The following SLC25A36 variants were observed in gnomAD, a reference collection of about 807,000 sequenced individuals.
The protein encoded by SLC25A36 is solute carrier family 25 member 36, also known as epididymis secretory sperm binding protein.
A neutral mutation model predicts 35.3 loss-of-function variants in SLC25A36; 24 were observed. That is an observed-to-expected ratio of 0.68 (90% CI 0.49 to 0.96). The LOEUF (loss-of-function observed/expected upper bound fraction) is 0.96, where lower values mean the gene tolerates loss of function less well. SLC25A36 is among the 40% of genes least tolerant of loss of function. The pLI is 0.00. For synonymous variants in SLC25A36, 141 were observed against 132.2 expected (o/e 1.07, Z -0.46); for missense variants, 294 against 381.1 (o/e 0.77, Z 1.90).
intron 1 of SLC25A36, among the ~76,000 whole-genome samples, chr3:140,947,070 C>T (rs57151068): frequency 0.075 from 11,373 of 152,120 alleles, 535 homozygotes; most frequent in East Asian, 0.17. Context: ...CAAAAAAATA[C>T]GGTATCCTGA....
At chr3:140,955,727 C>G (rs985445416) in intron 1 of SLC25A36, among the ~76,000 whole-genome samples, 15 of 152,106 alleles carry the variant, frequency 9.9e-5, no homozygotes, top group African/African-American at 3.4e-4. Context: ...GGGTCTCACT[C>G]TGTTGCCCAG....
In SLC25A36 at chr3:140,941,895, G is replaced by T. The variant is rs937039306; in HGVS notation, c.-160G>T. ...GGTGGCGCGGCTGGAGTGCCGCGGG[G>T]AGGGCTGTGCCGGTTGCTTTCTGCA... On this transcript the variant is annotated 5_prime_UTR_variant, in exon 1 of 7. Transcript: ENST00000324194. The T allele has an allele frequency of 4.4e-5, 23 of 519,744 alleles. No homozygotes were observed. The highest frequency in any genetic ancestry group is 2.9e-4 in the South Asian group (11 of 37,388). The allele number at this position is 519,744 out of a possible 1,614,324, so 32.2% of individuals were successfully genotyped here. A position where few individuals can be genotyped will look rare whatever the true frequency, so the allele number is the denominator to read the frequency against.
chr3:140,955,124 TTTATC>T (rs1471607100), intron 1 of SLC25A36, among the ~76,000 whole-genome samples: 4 of 152,114 alleles, frequency 2.6e-5, no homozygotes, highest in Non-Finnish European at 2.9e-5. Context: ...ACAGTTTGGT[TTTATC>T]TTATTTTCTT....
intron 4 of SLC25A36, chr3:140,968,152 T>C (rs1159094901): frequency 2.1e-5 from 20 of 949,260 alleles, no homozygotes; most frequent in Non-Finnish European, 2.3e-5. Flanking sequence ...ATTTCTTAGA[T>C]TATTAGATTA....
At chr3:140,956,002 T>A (rs1398432546) in intron 1 of SLC25A36, among the ~76,000 whole-genome samples, 1 of 152,204 alleles carries the variant, frequency 6.6e-6, no homozygotes, top group Non-Finnish European at 1.5e-5. Flanking sequence ...AAATGCTGTA[T>A]TTTTTTGTAG....
intron 1 of SLC25A36, 84 bp downstream of exon 1, chr3:140,942,179 G>A: frequency 7.8e-6 from 1 of 127,478 alleles, no homozygotes; most frequent in Non-Finnish European, 1.6e-5. Flanking sequence ...GGGGCCGAGG[G>A]GGGTGGGGGG....
At chr3:140,967,390 A>G (rs924681548) in intron 4 of SLC25A36, among the ~76,000 whole-genome samples, 3 of 151,962 alleles carry the variant, frequency 2.0e-5, no homozygotes, top group Non-Finnish European at 4.4e-5. Flanking sequence ...GCCTAATACA[A>G]TGCTTTCCAT....
At chr3:140,972,966 G>A (rs879360743) in intron 5 of SLC25A36, 2 of 152,180 alleles carry the variant, frequency 1.3e-5, no homozygotes, top group Non-Finnish European at 2.9e-5. Flanking sequence ...GGGAATCAGT[G>A]TAAGGTAACA....
intron 1 of SLC25A36, among the ~76,000 whole-genome samples, chr3:140,956,314 A>G (rs563373830): frequency 1.3e-5 from 2 of 152,296 alleles, no homozygotes; most frequent in East Asian, 3.9e-4. Context: ...CCAGATAGTT[A>G]CTAAGCTGTG....
chr3:140,946,992 A>G (rs1163832958), intron 1 of SLC25A36, among the ~76,000 whole-genome samples: 2 of 152,204 alleles, frequency 1.3e-5, no homozygotes, highest in Admixed American at 6.5e-5. Flanking sequence ...GGGGACTTCA[A>G]TAAAAGAGAT....
At chr3:140,943,890 C>T (rs1465462683) in intron 1 of SLC25A36, among the ~76,000 whole-genome samples, 1 of 152,122 alleles carries the variant, frequency 6.6e-6, no homozygotes. Context: ...TATAGGTTTT[C>T]TGGTTTAAGA....
chr3:140,956,091 G>A (rs1480685485), intron 1 of SLC25A36, among the ~76,000 whole-genome samples: 4 of 152,126 alleles, frequency 2.6e-5, no homozygotes, highest in Non-Finnish European at 5.9e-5. Context: ...CTTCCTTATT[G>A]TTCAGAAGAC....
chr3:140,960,424 A>G (rs999368214), intron 3 of SLC25A36, among the ~76,000 whole-genome samples: 8 of 152,194 alleles, frequency 5.3e-5, no homozygotes, highest in African/African-American at 1.9e-4. Context: ...TGTGCGCTCC[A>G]CCTGAAGTTA....
chr3:140,965,050 C>G (rs1934725677), intron 4 of SLC25A36: 1 of 151,864 alleles, frequency 6.6e-6, no homozygotes, highest in Non-Finnish European at 1.5e-5. Context: ...GGTTATTGCA[C>G]TGTACACTTA....
intron 1 of SLC25A36, among the ~76,000 whole-genome samples, chr3:140,954,997 C>T (rs1050456030): frequency 6.6e-6 from 1 of 151,878 alleles, no homozygotes; most frequent in Non-Finnish European, 1.5e-5. Flanking sequence ...GGTCTGTGAT[C>T]CATTTCGAGT....
At position 140,973,721 on chromosome 3, in the gene SLC25A36, G is replaced by A. The variant is rs563118041; in HGVS notation, c.458G>A (p.Arg153His). 16 of 1,458,226 alleles carry A rather than the reference G, an allele frequency of 1.1e-5. No homozygotes were observed. Among genetic ancestry groups the A allele is most frequent in the Admixed American group, 1.1e-4 (5 of 46,744 alleles). 90.3% of individuals were successfully genotyped at this position (1,458,226 alleles called of 1,614,324 possible). A position where few individuals can be genotyped will look rare whatever the true frequency, so the allele number is the denominator to read the frequency against. ...KTRLQLDARN[R>H]GERRMGAFEC... is the part of the protein sequence containing the mutation. ...TGTTTCTTTTTGCTTTTCAGGAACCGCGGGGAAAGGCGAATGGGTGCTTTT... is the reference window on the plus strand; with the variant it reads ...TGTTTCTTTTTGCTTTTCAGGAACCACGGGGAAAGGCGAATGGGTGCTTTT... Residue 153 changes from arginine (R) to histidine (H), a missense_variant, in exon 6 of 7, where the codon CGC becomes CAC. Coordinates refer to ENST00000324194, the MANE Select transcript of SLC25A36 (RefSeq NM_001104647.3).
chr3:140,949,227 C>T lies in SLC25A36; in HGVS notation c.41+7132C>T, dbSNP rs1934251312. ...CCTGGCATGCTAGAATTTTTATCTT[C>T]ATTATATGCACTAAGTAGAAGCAAC... On this transcript the variant is annotated intron_variant, in intron 1 of 6. Transcript: ENST00000324194. Among the ~76,000 whole-genome samples, 3 of 152,128 alleles carry T rather than the reference C, an allele frequency of 2.0e-5. No homozygotes were observed. In the South Asian group the frequency reaches 6.2e-4, roughly 32 times the overall value.
chr3:140,958,963 TG>T (rs1559813318), intron 2 of SLC25A36, among the ~76,000 whole-genome samples: 21 of 18,632 alleles, frequency 1.1e-3, no homozygotes, highest in East Asian at 6.8e-3. Context: ...CAATGTTTTG[TG>T]TGTGTGTGTG....
intron 4 of SLC25A36, chr3:140,965,191 G>A (rs1396418488): frequency 2.0e-5 from 3 of 151,774 alleles, no homozygotes; most frequent in Non-Finnish European, 4.4e-5. Flanking sequence ...TATATGGTTA[G>A]TAAAACTGAA....
Sources: allele counts gnomAD v4.1 joint callset (sites outside exome capture counted in the v4.1 genomes callset), GRCh38; gene constraint gnomAD v4.1.1; transcripts MANE v1.5; gene names NCBI Gene and HGNC (gene_info 2026-07-23, HGNC 2026-07-21).